Variants in LRP1B observed in about 807,000 individuals in gnomAD.
The protein encoded by LRP1B is low-density lipoprotein receptor-related protein 1B.
A neutral mutation model predicts 556.6 loss-of-function variants in LRP1B; 217 were observed. The observed-to-expected ratio is 0.39, with a 90% CI of 0.35 to 0.44. LRP1B has a LOEUF of 0.44. LRP1B is among the 20% of genes least tolerant of loss of function. The pLI, the probability that LRP1B is intolerant of heterozygous loss-of-function variation, is 1.00. For synonymous variants in LRP1B, 2,047 were observed against 1,865.8 expected (o/e 1.10, Z -2.50); for missense variants, 5,053 against 5,620.8 (o/e 0.90, Z 3.23).
At chr2:140,761,179 C>A (rs1251567622) in intron 35 of LRP1B, among the ~76,000 whole-genome samples, 1 of 152,180 alleles carries the variant, frequency 6.6e-6, no homozygotes, top group East Asian at 1.9e-4. Context: ...AGGATCAAGA[C>A]AATGACCATA....
chr2:140,725,457 G>A (rs1322432081), intron 35 of LRP1B, among the ~76,000 whole-genome samples: 4 of 142,418 alleles, frequency 2.8e-5, no homozygotes, highest in Non-Finnish European at 1.5e-5. Flanking sequence ...TTATAATAGC[G>A]TAAAAACTCC....
chr2:140,727,945 A>G (rs1687650933), intron 35 of LRP1B, among the ~76,000 whole-genome samples: 1 of 152,222 alleles, frequency 6.6e-6, no homozygotes, highest in Non-Finnish European at 1.5e-5. Context: ...TCTTACAGTA[A>G]CAAACCACTG....
At chr2:140,699,392 CAT>C (rs1559062428) in intron 41 of LRP1B, among the ~76,000 whole-genome samples, 1 of 151,924 alleles carries the variant, frequency 6.6e-6, no homozygotes, top group Non-Finnish European at 1.5e-5. Context: ...GGGCATGTCA[CAT>C]GTTAGTTATG....
chr2:141,203,606 A>G (rs980778703), intron 6 of LRP1B, among the ~76,000 whole-genome samples: 1 of 152,078 alleles, frequency 6.6e-6, no homozygotes, highest in African/African-American at 2.4e-5. Flanking sequence ...TTAACACCCC[A>G]CTGTCAATGT....
chr2:140,363,592 T>G (rs561300435), intron 72 of LRP1B, among the ~76,000 whole-genome samples: 1 of 151,754 alleles, frequency 6.6e-6, no homozygotes, highest in South Asian at 2.1e-4. Context: ...CAGAGTTTAT[T>G]TCTAAGATTA....
chr2:140,355,966 T>C (rs1452339037), intron 75 of LRP1B, among the ~76,000 whole-genome samples: 1 of 151,926 alleles, frequency 6.6e-6, no homozygotes, highest in African/African-American at 2.4e-5. Flanking sequence ...CCTATTCCAG[T>C]ATTGCAAATT....
intron 1 of LRP1B, among the ~76,000 whole-genome samples, chr2:141,988,266 C>T (rs1291307784): frequency 1.3e-5 from 2 of 151,714 alleles, no homozygotes; most frequent in Non-Finnish European, 2.9e-5. Context: ...AAGTTTTGCT[C>T]TGCTTTTAAA....
At chr2:141,868,274 G>A (rs912215661) in intron 1 of LRP1B, among the ~76,000 whole-genome samples, 3 of 151,874 alleles carry the variant, frequency 2.0e-5, no homozygotes, top group Non-Finnish European at 4.4e-5. Flanking sequence ...GAGATGCCCC[G>A]GTGAGAAGCA....
At chr2:141,350,036 A>G (rs1688389411) in intron 3 of LRP1B, among the ~76,000 whole-genome samples, 2 of 152,052 alleles carry the variant, frequency 1.3e-5, no homozygotes, top group South Asian at 4.1e-4. Context: ...CAGACAAGAG[A>G]AGAGAGTTTG....
chr2:141,310,540 A>G (rs1331776572), intron 3 of LRP1B, among the ~76,000 whole-genome samples: 2 of 152,170 alleles, frequency 1.3e-5, no homozygotes, highest in East Asian at 3.8e-4. Flanking sequence ...ACACCTAGAG[A>G]TCATAACCTA....
At chr2:141,998,375 G>T (rs968734617) in intron 1 of LRP1B, among the ~76,000 whole-genome samples, 18 of 151,886 alleles carry the variant, frequency 1.2e-4, no homozygotes, top group Non-Finnish European at 2.6e-4. Flanking sequence ...ACAAAATTTG[G>T]GTTAGAGGCA....
chr2:141,457,954 G>C (rs1681695119), intron 3 of LRP1B, among the ~76,000 whole-genome samples: 1 of 152,068 alleles, frequency 6.6e-6, no homozygotes, highest in Non-Finnish European at 1.5e-5. Context: ...ATGGTCAAAG[G>C]GAATCAGTAG....
intron 11 of LRP1B, among the ~76,000 whole-genome samples, chr2:141,035,286 CA>C (rs1176189679): frequency 6.6e-6 from 1 of 151,872 alleles, no homozygotes; most frequent in African/African-American, 2.4e-5. Flanking sequence ...AGCACACCAG[CA>C]TGGCACATGT....
intron 20 of LRP1B, among the ~76,000 whole-genome samples, chr2:140,940,000 C>G (rs148268516): frequency 0.017 from 2,639 of 151,520 alleles, 31 homozygotes; most frequent in Non-Finnish European, 0.026. Context: ...ATTCTCATGC[C>G]TCAGCCTCCA....
At chr2:140,547,889 G>A (rs1370321348) in intron 43 of LRP1B, among the ~76,000 whole-genome samples, 7 of 150,050 alleles carry the variant, frequency 4.7e-5, no homozygotes, top group Non-Finnish European at 7.4e-5. Context: ...TAAAGGTATC[G>A]ATTTGATTAT....
intron 2 of LRP1B, among the ~76,000 whole-genome samples, chr2:141,675,920 T>C (rs1690857434): frequency 6.6e-6 from 1 of 152,032 alleles, no homozygotes; most frequent in Non-Finnish European, 1.5e-5. Context: ...ATAAAGAAAC[T>C]GAGGCTTGGA....
At chr2:140,396,135 G>A (rs1414402182) in intron 66 of LRP1B, among the ~76,000 whole-genome samples, 1 of 152,222 alleles carries the variant, frequency 6.6e-6, no homozygotes, top group African/African-American at 2.4e-5. Flanking sequence ...ATAACATAGA[G>A]GGATAGAGAG....
intron 66 of LRP1B, among the ~76,000 whole-genome samples, chr2:140,395,840 C>A (rs1275551331): frequency 6.6e-6 from 1 of 152,138 alleles, no homozygotes; most frequent in Non-Finnish European, 1.5e-5. Flanking sequence ...TGTCATATTA[C>A]ATTCTGTAAT....
At chr2:140,898,542 C>G (rs1006620976) in intron 23 of LRP1B, 1 of 327,022 alleles carries the variant, frequency 3.1e-6, no homozygotes, top group Non-Finnish European at 6.0e-6. Context: ...TGAGCAATCC[C>G]AGGACCATCG....
Sources: allele counts gnomAD v4.1 joint callset (sites outside exome capture counted in the v4.1 genomes callset), GRCh38; gene constraint gnomAD v4.1.1; transcripts MANE v1.5; gene names NCBI Gene and HGNC (gene_info 2026-07-23, HGNC 2026-07-21).